KCNJ5: variants seen among roughly 807,000 people sequenced by gnomAD.
The protein encoded by KCNJ5 is G protein-activated inward rectifier potassium channel 4.
Under a neutral mutation model 20.2 loss-of-function variants are expected in KCNJ5, and 12 were observed. The ratio of observed to expected loss-of-function variants is 0.59; its 90% CI spans 0.38 to 0.96. The LOEUF is 0.96. KCNJ5 is among the 40% of genes least tolerant of loss of function. The probability of loss-of-function intolerance (pLI) is 0.00; values close to 1 mark genes in which losing one functional copy is unlikely to be tolerated. For missense variants in KCNJ5, 449 were observed against 557.6 expected (o/e 0.81, Z 1.96); for synonymous variants, 210 against 213.9 (o/e 0.98, Z 0.16).
intron 1 of KCNJ5, chr11:128,902,396 C>A: frequency 1.1e-6 from 1 of 879,656 alleles, no homozygotes; most frequent in Admixed American, 2.5e-5. Flanking sequence ...GACTATCGCA[C>A]TGCCCAAGAC....
Position 128,891,397 on chromosome 11 carries a change from GACACACACACACACAC to G in KCNJ5, c.-305_-290del, listed in dbSNP as rs113761140. On this transcript the variant is annotated 5_prime_UTR_variant, in exon 1 of 3. Coordinates refer to ENST00000529694, the MANE Select transcript of KCNJ5 (RefSeq NM_000890.5). Reference sequence around the variant, plus strand: ...GAGGGAGAGAGGAGAGGGAGGAGGGGACACACACACACACACACACACACACACACACACACACACA... The same window carrying G: ...GAGGGAGAGAGGAGAGGGAGGAGGGGACACACACACACACACACACACACA... 635 of 85,692 alleles carry G rather than the reference GACACACACACACACAC, an allele frequency of 7.4e-3. 11 individuals carry two copies. Among genetic ancestry groups the G allele is most frequent in the African/African-American group, 0.025 (471 of 19,114 alleles). The allele number at this position is 85,692 out of a possible 1,614,324, so 5.3% of individuals were successfully genotyped here.
At chr11:128,902,627 T>C (rs201972049) in intron 1 of KCNJ5, 421 of 1,613,926 alleles carry the variant, frequency 2.6e-4, no homozygotes, top group Non-Finnish European at 2.6e-4. Context: ...TCTACTATCA[T>C]GGGCCTTGCA....
chr11:128,894,180 AT>A (rs1192374524), intron 1 of KCNJ5, among the ~76,000 whole-genome samples: 1 of 60,500 alleles, frequency 1.7e-5, no homozygotes, highest in Non-Finnish European at 3.0e-5. Context: ...CCACTTCTGC[AT>A]TGTTTTTTTT....
intron 2 of KCNJ5, among the ~76,000 whole-genome samples, chr11:128,915,957 A>G (rs1207324213): frequency 1.4e-5 from 2 of 143,064 alleles, no homozygotes; most frequent in Non-Finnish European, 3.0e-5. Context: ...ATAGATGATG[A>G]ATGATTGGAT....
chr11:128,894,024 G>A (rs1357889218), intron 1 of KCNJ5, among the ~76,000 whole-genome samples: 1 of 152,236 alleles, frequency 6.6e-6, no homozygotes, highest in Admixed American at 6.5e-5. Context: ...CATCCGTGAT[G>A]AAGTAAACCC....
Position 128,917,930 on chromosome 11 carries a change from C to T in KCNJ5, c.*1199C>T, listed in dbSNP as rs1451422014. Reference sequence around the variant, plus strand: ...ATTAGCCAGGCATGGTGGCAGGTGCCTGTAGTCCCAGCTACTCGGGAAGCT... The same window carrying T: ...ATTAGCCAGGCATGGTGGCAGGTGCTTGTAGTCCCAGCTACTCGGGAAGCT... On this transcript the variant is annotated 3_prime_UTR_variant, in exon 3 of 3. Coordinates refer to ENST00000529694, the MANE Select transcript of KCNJ5 (RefSeq NM_000890.5). 2.0e-5 allele frequency: 3 copies of T among 152,732 alleles called. No individual in the cohort carries two copies. Among genetic ancestry groups the T allele is most frequent in the East Asian group, 1.9e-4 (1 of 5,212 alleles). The allele number at this position is 152,732 out of a possible 1,614,324, so 9.5% of individuals were successfully genotyped here.
Position 128,911,239 on chromosome 11 carries a change from C to T in KCNJ5, c.-10-25C>T. On this transcript the variant is annotated intron_variant, in intron 1 of 2. Coordinates refer to ENST00000529694, the MANE Select transcript of KCNJ5 (RefSeq NM_000890.5). The surrounding 1 kb of genome is among the most constrained non-coding windows in gnomAD (Gnocchi z 6.3). ...TAGTGAATCAGAACAGCCCACTTCA[C>T]TGATGGTGTCTTTTTAACTCAAAGC... is the stretch of plus-strand genomic sequence containing the variant. 6.3e-7 allele frequency: 1 copy of T among 1,589,162 alleles called. No individual in the cohort carries two copies. Among genetic ancestry groups the T allele is most frequent in the East Asian group, 2.2e-5 (1 of 44,764 alleles).
Position 128,916,657 on chromosome 11 carries a change from G to A in KCNJ5, c.1186G>A (p.Ala396Thr), listed in dbSNP as rs754816201. Residue 396 changes from alanine to threonine, a missense_variant, in exon 3 of 3, where the codon GCA (alanine) becomes ACA (threonine). This residue lies in a region of KCNJ5 where 64 missense variants were observed against 51.3 expected (regional missense o/e 1.25). Transcript: ENST00000529694. ...GGGCTGTGCTGAGGCAGGGCTGGAT[G>A]CAGAGGCTGAGCAGAATGAAGAAGA... ...LGGCAEAGLD[A>T]EAEQNEEDEP... 41 of 1,612,998 alleles carry A rather than the reference G, an allele frequency of 2.5e-5. No individual in the cohort carries two copies. Among genetic ancestry groups the A allele is most frequent in the Admixed American group, 5.0e-5 (3 of 59,738 alleles).
rs755311202 is a variant in KCNJ5, at chr11:128,912,218, G to A, written c.937+8G>A. 1.3e-5 allele frequency: 21 copies of A among 1,596,682 alleles called. No homozygotes were observed. Among genetic ancestry groups the A allele is most frequent in the Non-Finnish European group, 1.6e-5 (19 of 1,177,044 alleles). On this transcript the variant is annotated splice_region_variant and intron_variant, in intron 2 of 2. Transcript: ENST00000529694. ...GGATGGTGGAAGCCACAGGTAAGGC[G>A]CTTTGTCCTCCTCAGCCACAGGTGG...
chr11:128,894,425 A>G (rs1337216887), intron 1 of KCNJ5, among the ~76,000 whole-genome samples: 1 of 152,128 alleles, frequency 6.6e-6, no homozygotes, highest in Non-Finnish European at 1.5e-5. Flanking sequence ...CAAAGGGGCC[A>G]TTTTTGGATG....
chr11:128,918,758 C>T lies in KCNJ5; in HGVS notation c.*2027C>T, dbSNP rs1369710010. 1.3e-5 allele frequency: 2 copies of T among 152,326 alleles called. No homozygotes were observed. Among genetic ancestry groups the T allele is most frequent in the Non-Finnish European group, 2.9e-5 (2 of 68,122 alleles). The allele number at this position is 152,326 out of a possible 1,614,324, so 9.4% of individuals were successfully genotyped here. ...GGGCAGCCTGGGACGGGAACTGCCT[C>T]TGTGGGCTCCCCACTCCCAGGGAGG... On this transcript the variant is annotated 3_prime_UTR_variant, in exon 3 of 3. Coordinates refer to ENST00000529694, the MANE Select transcript of KCNJ5 (RefSeq NM_000890.5).
At chr11:128,899,438 C>T (rs1334832747) in intron 1 of KCNJ5, 2 of 152,182 alleles carry the variant, frequency 1.3e-5, no homozygotes, top group African/African-American at 4.8e-5. Flanking sequence ...TGAATATATT[C>T]AAACTCACAT....
chr11:128,892,212 G>A (rs975723266), intron 1 of KCNJ5, among the ~76,000 whole-genome samples: 12 of 152,218 alleles, frequency 7.9e-5, no homozygotes, highest in Non-Finnish European at 1.8e-4. Flanking sequence ...CCCCCTCGCT[G>A]CCCAAGTCAC....
In KCNJ5 at chr11:128,896,607, G is replaced by T. The variant is rs540744159; in HGVS notation, c.-11+4886G>T. On this transcript the variant is annotated intron_variant, in intron 1 of 2. Transcript: ENST00000529694. Reference sequence around the variant, plus strand: ...GGAGTGTGCATGTGTGCTTGTTGGGGGTGTGTGTGTGTGTGTGTGTGTGTG... The same window carrying T: ...GGAGTGTGCATGTGTGCTTGTTGGGTGTGTGTGTGTGTGTGTGTGTGTGTG... Among the ~76,000 whole-genome samples the T allele has an allele frequency of 2.8e-3, 423 of 149,254 alleles. 1 individual carries two copies. The highest frequency in any genetic ancestry group is 5.7e-3 in the East Asian group (29 of 5,110).
At chr11:128,900,517 C>G (rs1426280510) in intron 1 of KCNJ5, 1 of 152,238 alleles carries the variant, frequency 6.6e-6, no homozygotes, top group African/African-American at 2.4e-5. Context: ...CCAATACTCT[C>G]TCGCTCCTCT....
At chr11:128,904,743 G>A (rs1944366402) in intron 1 of KCNJ5, 2 of 561,044 alleles carry the variant, frequency 3.6e-6, no homozygotes, top group Non-Finnish European at 6.3e-6. Context: ...AGTGGGTGTT[G>A]AGTGGGGGTT....
chr11:128,902,522 C>T (rs750986875), intron 1 of KCNJ5: 19 of 1,567,722 alleles, frequency 1.2e-5, no homozygotes, highest in Non-Finnish European at 1.6e-5. Context: ...GGGGAGGGGG[C>T]TGGGGAGCAC....
intron 1 of KCNJ5, among the ~76,000 whole-genome samples, chr11:128,906,748 A>G (rs1027604134): frequency 3.3e-5 from 5 of 152,192 alleles, no homozygotes; most frequent in African/African-American, 7.2e-5. Flanking sequence ...GAAAAGCCCA[A>G]TCCCTTCAAA....
At chr11:128,897,328 C>T (rs1349625588) in intron 1 of KCNJ5, among the ~76,000 whole-genome samples, 1 of 152,056 alleles carries the variant, frequency 6.6e-6, no homozygotes, top group African/African-American at 2.4e-5. Flanking sequence ...GAACTCCTGA[C>T]TTCAGGTGAT....
Sources: allele counts gnomAD v4.1 joint callset (sites outside exome capture counted in the v4.1 genomes callset), GRCh38; gene constraint gnomAD v4.1.1; regional missense constraint gnomAD v4.1.1; non-coding constraint Gnocchi (gnomAD v3.1); transcripts MANE v1.5; gene names NCBI Gene and HGNC (gene_info 2026-07-23, HGNC 2026-07-21).